Variants in DYSF observed in about 807,000 individuals in gnomAD.
DYSF encodes the protein dystrophy-associated fer-1-like 1.
In DYSF, 212 loss-of-function variants were observed where a neutral mutation model predicts 274.9. The observed-to-expected ratio is 0.77, with a 90% CI of 0.69 to 0.86. DYSF has a LOEUF of 0.86. Ranked by LOEUF, DYSF falls within the 40% of genes least tolerant of loss-of-function variation. The pLI is 0.00. For synonymous variants in DYSF, 1,091 were observed against 1,078.7 expected, an observed-to-expected ratio of 1.01 and a Z score of -0.22; for missense variants, 2,666 against 2,783.2, an observed-to-expected ratio of 0.96 and a Z score of 0.95.
rs1449199057 is a variant in DYSF at position 71,511,895 on chromosome 2, C to T, written c.434C>T (p.Thr145Ile). The T allele has an allele frequency of 1.9e-6, 3 of 1,551,064 alleles. No individual in the cohort carries two copies. Among genetic ancestry groups the T allele is most frequent in the African/African-American group, 2.7e-5 (2 of 73,170 alleles). ...PPPTPLEPSP[T>I]LPDLDVVAGG... is the part of the protein sequence containing the mutation. ...CCTACTCCTCTGGAGCCCTCCCCGA[C>T]TCTGCCTGACCTGGATGTAGTGGCA... The change falls in exon 5 of 56, where the codon ACT becomes ATT. Residue 145 changes from threonine (T) to isoleucine (I), a missense_variant. Thr to Ile is a moderately conservative substitution (Grantham distance 89, BLOSUM62 -1). Coordinates refer to ENST00000410020, the MANE Select transcript of DYSF (RefSeq NM_001130987.2).
rs766924837 is a variant in DYSF at position 71,612,722 on chromosome 2, G to A, written c.4303G>A (p.Val1435Met). ...DNRQFGRRPV[V>M]GQCTIRSLES... The stretch of plus-strand genomic sequence containing the variant: ...CCGCCAGTTTGGCCGCCGGCCTGTG[G>A]TGGGCCAGTGTACCATCCGCTCCCT... The change falls in exon 39 of 56, where the codon GTG becomes ATG. Residue 1435 changes from valine to methionine, a missense_variant. Physicochemically the swap from Val to Met is conservative, Grantham distance 21 (BLOSUM62 1). Around this residue, in one of 3 missense-constraint regions of DYSF, gnomAD observed 1,460 missense variants for 1,502.1 expected, o/e 0.97. Transcript: ENST00000410020. 62 of 1,614,082 alleles carry A rather than the reference G, an allele frequency of 3.8e-5. No homozygotes were observed. The highest frequency in any genetic ancestry group is 5.1e-5 in the Non-Finnish European group (60 of 1,180,044).
intron 1 of DYSF, among the ~76,000 whole-genome samples, chr2:71,458,490 C>A (rs2081160414): frequency 6.6e-6 from 1 of 152,170 alleles, no homozygotes; most frequent in Admixed American, 6.5e-5. Flanking sequence ...TCTGGCTGCC[C>A]CTCCTAGAGC....
chr2:71,660,431 C>G, intron 44 of DYSF, 129 bp from the exon 45 acceptor site: 1 of 786,238 alleles, frequency 1.3e-6, no homozygotes, highest in Non-Finnish European at 2.2e-6. Flanking sequence ...CCTGTCTTGG[C>G]AGGACACAGC....
chr2:71,649,137 CAAAAAAAAAAA>C (rs376775027), intron 42 of DYSF, among the ~76,000 whole-genome samples: 2,434 of 89,748 alleles, frequency 0.027, 62 homozygotes, highest in Middle Eastern at 0.13. Context: ...ACTTTGTCTC[CAAAAAAAAAAA>C]AAAAAAAAAA....
At position 71,598,764 on chromosome 2, in the gene DYSF, T is replaced by G. The variant is rs1238486868; in HGVS notation, c.3756+19T>G. On this transcript the variant is annotated intron_variant, in intron 33 of 55. Coordinates refer to ENST00000410020, the MANE Select transcript of DYSF (RefSeq NM_001130987.2). ...CACTTATGTGAGTCTGCCCAGCTCCTGCCTCGTCCCCTCACAGGGAGGGAC... is the reference window on the plus strand; with the variant it reads ...CACTTATGTGAGTCTGCCCAGCTCCGGCCTCGTCCCCTCACAGGGAGGGAC... 1 of 1,608,474 alleles carries G rather than the reference T, an allele frequency of 6.2e-7. No homozygotes were observed. The highest frequency in any genetic ancestry group is 8.5e-7 in the Non-Finnish European group (1 of 1,179,820).
intron 3 of DYSF, among the ~76,000 whole-genome samples, chr2:71,490,618 C>A (rs990311442): frequency 6.6e-6 from 1 of 152,226 alleles, no homozygotes; most frequent in Non-Finnish European, 1.5e-5. Flanking sequence ...TGAGCCACTG[C>A]GCCCGGCCTG....
At chr2:71,659,676 C>G (rs2094841590) in intron 44 of DYSF, among the ~76,000 whole-genome samples, 1 of 152,154 alleles carries the variant, frequency 6.6e-6, no homozygotes, top group Non-Finnish European at 1.5e-5. Context: ...ACATTTTGTG[C>G]CCAAGATAAG....
chr2:71,560,417 G>GCCCCAGCACAGGGCTCCGGCCCAGGCCAC (rs56170138), intron 22 of DYSF, among the ~76,000 whole-genome samples: 2 of 138,874 alleles, frequency 1.4e-5, no homozygotes, highest in Non-Finnish European at 3.1e-5. Flanking sequence ...TCCCAGGCAG[G>GCCCCAGCACAGGGCTCCGGCCCAGGCCAC]CCCCCGCCCC....
intron 43 of DYSF, among the ~76,000 whole-genome samples, chr2:71,657,745 G>A (rs536456981): frequency 6.6e-5 from 10 of 152,300 alleles, no homozygotes; most frequent in East Asian, 1.9e-4. Context: ...TTTCAGCCAC[G>A]GTTGGAGCAG....
intron 1 of DYSF, among the ~76,000 whole-genome samples, chr2:71,475,257 A>T (rs996534615): frequency 1.3e-5 from 2 of 152,180 alleles, no homozygotes; most frequent in African/African-American, 4.8e-5. Flanking sequence ...GTTCCCTGGA[A>T]ACAGCGCTTC....
intron 10 of DYSF, 114 bp from the exon 11 acceptor site, chr2:71,520,064 G>T (rs1235988848): frequency 1.6e-6 from 2 of 1,253,374 alleles, no homozygotes; most frequent in Admixed American, 3.4e-5. Flanking sequence ...GACTGCCTGT[G>T]TTTCCAAATG....
At chr2:71,467,146 T>C (rs1260782547) in intron 1 of DYSF, among the ~76,000 whole-genome samples, 1 of 152,210 alleles carries the variant, frequency 6.6e-6, no homozygotes, top group Non-Finnish European at 1.5e-5. Flanking sequence ...TTTGAAAAAT[T>C]GGAAAAGCGA....
chr2:71,622,034 G>T (rs1387238019), intron 41 of DYSF, among the ~76,000 whole-genome samples: 1 of 77,328 alleles, frequency 1.3e-5, no homozygotes, highest in Non-Finnish European at 3.7e-5. Context: ...CCTATCATTT[G>T]CCATTTAATT....
At chr2:71,553,401 G>A (rs2091102111) in intron 20 of DYSF, among the ~76,000 whole-genome samples, 1 of 152,206 alleles carries the variant, frequency 6.6e-6, no homozygotes, top group South Asian at 2.1e-4. Flanking sequence ...ACCAGCTGTG[G>A]TCAGCATTGA....
At chr2:71,659,109 AC>A in intron 44 of DYSF, 76 bp downstream of exon 44, 1 of 1,591,982 alleles carries the variant, frequency 6.3e-7, no homozygotes, top group South Asian at 1.1e-5. Flanking sequence ...CTGGACACAA[AC>A]TCTGCCTCAG....
At chr2:71,531,704 A>G (rs13408415) in intron 14 of DYSF, among the ~76,000 whole-genome samples, 89,548 of 151,668 alleles carry the variant, frequency 0.59, 27,530 homozygotes, top group Middle Eastern at 0.68. Context: ...AATGGCCCCA[A>G]ATGTCGTGCT....
chr2:71,616,736 TAGAAAAATA>T (rs1377827403), intron 40 of DYSF, among the ~76,000 whole-genome samples: 1 of 152,170 alleles, frequency 6.6e-6, no homozygotes, highest in Non-Finnish European at 1.5e-5. Flanking sequence ...TTGGAAAATA[TAGAAAAATA>T]ATGAAAAAAT....
chr2:71,517,067 T>C (rs757954559), intron 10 of DYSF, 28 bp downstream of exon 10: 1 of 1,610,694 alleles, frequency 6.2e-7, no homozygotes, highest in South Asian at 1.1e-5. Context: ...ATGAAAGCAG[T>C]CAGTTCTCAC....
At chr2:71,586,857 G>A (rs2093085055) in intron 30 of DYSF, among the ~76,000 whole-genome samples, 1 of 152,092 alleles carries the variant, frequency 6.6e-6, no homozygotes. Flanking sequence ...CCTACCTGCG[G>A]GTGGGGCACA....
Sources: gnomAD v4.1 joint callset for allele counts (sites outside exome capture counted in the v4.1 genomes callset) on GRCh38, gnomAD v4.1.1 for gene constraint, gnomAD v4.1.1 regional missense constraint, MANE v1.5 for transcripts, NCBI Gene and HGNC (gene_info 2026-07-23, HGNC 2026-07-21) for gene names.